MLLT10: variants seen among roughly 807,000 people sequenced by gnomAD.
MLLT10 encodes MLLT10 histone lysine methyltransferase DOT1L cofactor, also known as protein AF-10.
A neutral mutation model predicts 129.1 loss-of-function variants in MLLT10; 30 were observed. That is an observed-to-expected ratio of 0.23 (90% CI 0.17 to 0.32). The LOEUF is 0.32. Ranked by LOEUF, MLLT10 falls within the 10% of genes least tolerant of loss-of-function variation. MLLT10 has a pLI of 1.00. For missense variants in MLLT10, 1,119 were observed against 1,268.3 expected, an observed-to-expected ratio of 0.88 and a Z score of 1.79; for synonymous variants, 490 against 446.4, an observed-to-expected ratio of 1.10 and a Z score of -1.23.
intron 8 of MLLT10, chr10:21,626,053 C>G (rs1248409611): frequency 1.4e-6 from 2 of 1,437,482 alleles, no homozygotes; most frequent in African/African-American, 1.4e-5. Flanking sequence ...TTCTCTCAAG[C>G]AAGGCCTTGA....
chr10:21,582,159 T>G (rs1405797458), intron 3 of MLLT10, among the ~76,000 whole-genome samples: 1 of 152,086 alleles, frequency 6.6e-6, no homozygotes, highest in African/African-American at 2.4e-5. Flanking sequence ...TCTCTTTCTC[T>G]GTTGCCCAGG....
At chr10:21,715,007 TTCATTTC>T (rs2056428760) in intron 14 of MLLT10, among the ~76,000 whole-genome samples, 1 of 152,192 alleles carries the variant, frequency 6.6e-6, no homozygotes, top group South Asian at 2.1e-4. Context: ...TGATTTTATT[TTCATTTC>T]TCCAAAGCTC....
At chr10:21,620,218 A>G (rs972203619) in intron 8 of MLLT10, among the ~76,000 whole-genome samples, 1 of 152,122 alleles carries the variant, frequency 6.6e-6, no homozygotes, top group South Asian at 2.1e-4. Flanking sequence ...GTGAGCCATC[A>G]TGCCTGGCCC....
intron 8 of MLLT10, among the ~76,000 whole-genome samples, chr10:21,648,536 A>G (rs1377716802): frequency 6.6e-6 from 1 of 152,198 alleles, no homozygotes; most frequent in Non-Finnish European, 1.5e-5. Flanking sequence ...CAAAGCCCAG[A>G]ATGGGAAGTA....
chr10:21,680,274 A>G (rs2052601489), intron 11 of MLLT10, among the ~76,000 whole-genome samples: 1 of 151,616 alleles, frequency 6.6e-6, no homozygotes, highest in African/African-American at 2.4e-5. Flanking sequence ...GCGATGGTGC[A>G]ATCTCGGCTC....
intron 13 of MLLT10, among the ~76,000 whole-genome samples, chr10:21,692,104 G>T (rs1044272002): frequency 6.6e-6 from 1 of 151,758 alleles, no homozygotes; most frequent in African/African-American, 2.4e-5. Flanking sequence ...AACTTGGGAG[G>T]CAGAGGCTGC....
intron 11 of MLLT10, among the ~76,000 whole-genome samples, chr10:21,675,109 A>G (rs1196776353): frequency 6.6e-6 from 1 of 152,238 alleles, no homozygotes; most frequent in Non-Finnish European, 1.5e-5. Context: ...TCATTTAACA[A>G]CAGTTATGAG....
rs2057920979 is a variant in MLLT10, at chr10:21,730,958, A to G, written c.2122A>G (p.Asn708Asp). Reference sequence around the variant, plus strand: ...TCAACCAGGCAACAGCAGTTTGGAAAATCTGCCTCCAGTAGCAGCCAGCAT... The same window carrying G: ...TCAACCAGGCAACAGCAGTTTGGAAGATCTGCCTCCAGTAGCAGCCAGCAT... ...YDQPGNSSLE[N>D]LPPVAASIEQ... is the part of the protein sequence containing the mutation. The change falls in exon 17 of 23, where the codon AAT (asparagine) becomes GAT (aspartate). Residue 708 changes from asparagine to aspartate, a missense_variant. Physicochemically the swap from Asn to Asp is conservative, Grantham distance 23 (BLOSUM62 1). This residue lies in a region of MLLT10 where 1,004 missense variants were observed against 1,008.7 expected (regional missense o/e 1.00). Coordinates refer to ENST00000307729, the MANE Select transcript of MLLT10 (RefSeq NM_001195626.3). 6.2e-7 allele frequency: 1 copy of G among 1,614,204 alleles called. No homozygotes were observed. The highest frequency in any genetic ancestry group is 8.5e-7 in the Non-Finnish European group (1 of 1,180,032).
intron 13 of MLLT10, among the ~76,000 whole-genome samples, chr10:21,692,674 T>C (rs1235111629): frequency 6.6e-6 from 1 of 151,590 alleles, no homozygotes; most frequent in Non-Finnish European, 1.5e-5. Context: ...TCAGTAGAGA[T>C]GAGATCTTAC....
intron 14 of MLLT10, among the ~76,000 whole-genome samples, chr10:21,723,580 A>G (rs1482680732): frequency 6.6e-6 from 1 of 152,214 alleles, no homozygotes; most frequent in African/African-American, 2.4e-5. Flanking sequence ...AAAGTTAATA[A>G]TAAACTAAAA....
intron 5 of MLLT10, among the ~76,000 whole-genome samples, chr10:21,602,558 C>T (rs1334592404): frequency 2.0e-5 from 3 of 152,146 alleles, no homozygotes; most frequent in Non-Finnish European, 2.9e-5. Flanking sequence ...CCTAGATTAA[C>T]TTATCTTATG....
At chr10:21,572,735 C>T (rs1189565846) in intron 3 of MLLT10, among the ~76,000 whole-genome samples, 1 of 152,012 alleles carries the variant, frequency 6.6e-6, no homozygotes, top group African/African-American at 2.4e-5. Flanking sequence ...GCCTCAGCCT[C>T]CCAAGGAGCT....
chr10:21,648,132 T>C (rs2048677963), intron 8 of MLLT10, among the ~76,000 whole-genome samples: 2 of 152,226 alleles, frequency 1.3e-5, no homozygotes, highest in Admixed American at 6.5e-5. Context: ...AATTTTCATA[T>C]ATAATTGACT....
intron 5 of MLLT10, among the ~76,000 whole-genome samples, chr10:21,596,530 C>G (rs2043029433): frequency 6.6e-6 from 1 of 151,716 alleles, no homozygotes; most frequent in African/African-American, 2.4e-5. Flanking sequence ...GTGAAATTGT[C>G]CTCTGGAAGT....
At chr10:21,651,039 G>GTTGTT (rs57639142) in intron 8 of MLLT10, among the ~76,000 whole-genome samples, 4,168 of 148,518 alleles carry the variant, frequency 0.028, 109 homozygotes, top group African/African-American at 0.064. Flanking sequence ...TGGTGGTTGT[G>GTTGTT]TTGTTTTGTT....
At chr10:21,570,719 T>C (rs2040110388) in intron 3 of MLLT10, among the ~76,000 whole-genome samples, 1 of 152,218 alleles carries the variant, frequency 6.6e-6, no homozygotes, top group Non-Finnish European at 1.5e-5. Flanking sequence ...TATTTTTACT[T>C]AATATATTTG....
intron 8 of MLLT10, among the ~76,000 whole-genome samples, chr10:21,651,220 C>T (rs2049001811): frequency 6.6e-6 from 1 of 151,956 alleles, no homozygotes. Context: ...TACAGGTGCA[C>T]ACCACCATGC....
At chr10:21,693,940 G>A (rs569863191) in intron 13 of MLLT10, among the ~76,000 whole-genome samples, 25 of 152,196 alleles carry the variant, frequency 1.6e-4, no homozygotes, top group African/African-American at 5.8e-4. Context: ...TTGTTTTCAA[G>A]TTTGAATTCT....
In MLLT10 at chr10:21,670,471, A is replaced by G. The variant is rs1161259189; in HGVS notation, c.818A>G (p.Asn273Ser). 2 of 1,612,202 alleles carry G rather than the reference A, an allele frequency of 1.2e-6. No individual in the cohort carries two copies. Among genetic ancestry groups the G allele is most frequent in the African/African-American group, 1.3e-5 (1 of 74,788 alleles). ...TAGACTTATACAAGCACTAGCAACAACTCTATATCTGGATCATTGAAGCGC... is the reference window on the plus strand; with the variant it reads ...TAGACTTATACAAGCACTAGCAACAGCTCTATATCTGGATCATTGAAGCGC... The part of the protein sequence containing the change: ...TEKTYTSTSN[N>S]SISGSLKRLE... Residue 273 changes from asparagine to serine, a missense_variant, in exon 10 of 23, where the codon AAC becomes AGC. Physicochemically the swap from Asn to Ser is conservative, Grantham distance 46. Coordinates refer to ENST00000307729, the MANE Select transcript of MLLT10 (RefSeq NM_001195626.3).
Sources: allele counts gnomAD v4.1 joint callset (sites outside exome capture counted in the v4.1 genomes callset), GRCh38; gene constraint gnomAD v4.1.1; regional missense constraint gnomAD v4.1.1; transcripts MANE v1.5; gene names NCBI Gene and HGNC (gene_info 2026-07-23, HGNC 2026-07-21).